Variants in KCNMA1 observed in about 807,000 individuals in gnomAD.
KCNMA1 encodes potassium calcium-activated channel subfamily M alpha 1.
KCNMA1 carries 29 observed loss-of-function variants against 140.0 expected under a neutral mutation model. The observed-to-expected ratio is 0.21, with a 90% CI of 0.15 to 0.28. The LOEUF (loss-of-function observed/expected upper bound fraction) is 0.28. Ranked by LOEUF, KCNMA1 falls within the 10% of genes least tolerant of loss-of-function variation. The pLI is 1.00. For missense variants in KCNMA1, 880 were observed against 1,602.2 expected, an observed-to-expected ratio of 0.55 and a Z score of 7.70; for synonymous variants, 612 against 611.9, an observed-to-expected ratio of 1.00 and a Z score of 0.00.
intron 23 of KCNMA1, among the ~76,000 whole-genome samples, chr10:76,943,670 G>A (rs1396814583): frequency 1.3e-5 from 2 of 152,160 alleles, no homozygotes; most frequent in Admixed American, 1.3e-4. Context: ...CTCTAGCCCA[G>A]AGCCATGCAG....
intron 3 of KCNMA1, among the ~76,000 whole-genome samples, chr10:77,227,192 T>A (rs1052772171): frequency 6.6e-6 from 1 of 151,986 alleles, no homozygotes; most frequent in Non-Finnish European, 1.5e-5. Context: ...AGAGGGAAAA[T>A]TTTTCCCCAT....
chr10:77,613,562 A>G (rs1401580788), intron 1 of KCNMA1, among the ~76,000 whole-genome samples: 1 of 151,962 alleles, frequency 6.6e-6, no homozygotes, highest in African/African-American at 2.4e-5. Context: ...CACATACAAC[A>G]CTGGTGTACA....
chr10:76,912,289 C>G (rs2050658106), intron 24 of KCNMA1: 1 of 152,154 alleles, frequency 6.6e-6, no homozygotes, highest in Admixed American at 6.5e-5. Flanking sequence ...TCTGAGGAGC[C>G]TTTGCCATGC....
chr10:76,932,846 A>G (rs2152717349), intron 23 of KCNMA1, among the ~76,000 whole-genome samples: 1 of 152,290 alleles, frequency 6.6e-6, no homozygotes. Context: ...CTACATGGCC[A>G]GGGAAGCTCT....
At chr10:77,427,712 CATCCATTCATTT>C (rs150267549) in intron 1 of KCNMA1, among the ~76,000 whole-genome samples, 5,307 of 73,266 alleles carry the variant, frequency 0.072, 128 homozygotes, top group Middle Eastern at 0.14. Context: ...CCTGAGCATC[CATCCATTCATTT>C]ATTTATTTAT....
intron 5 of KCNMA1, among the ~76,000 whole-genome samples, chr10:77,152,635 G>T (rs2098437199): frequency 6.6e-6 from 1 of 152,134 alleles, no homozygotes; most frequent in South Asian, 2.1e-4. Flanking sequence ...CCTCCTGTTG[G>T]TCACTGGTTG....
rs113292182 is a variant in KCNMA1, at chr10:77,516,348, T to C, written c.379-112325A>G. ...TCTCTCCATGCACCCTCCATAGCAC[T>C]ATTTTTTCCCATTCCCTGTTTCATT... On this transcript the variant is annotated intron_variant, in intron 1 of 27. Transcript: ENST00000286628. 5.2e-3 allele frequency among the ~76,000 whole-genome samples: 792 copies of C among 152,294 alleles called. 7 individuals carry two copies. The highest frequency in any genetic ancestry group is 0.017 in the African/African-American group (702 of 41,568).
intron 1 of KCNMA1, among the ~76,000 whole-genome samples, chr10:77,452,193 C>T (rs1184144862): frequency 3.3e-5 from 5 of 152,196 alleles, no homozygotes. Flanking sequence ...CCATGACCCC[C>T]AGGGCAATCC....
At chr10:76,937,913 A>ATGTG (rs1013080316) in intron 23 of KCNMA1, among the ~76,000 whole-genome samples, 1 of 147,700 alleles carries the variant, frequency 6.8e-6, no homozygotes, top group African/African-American at 2.5e-5. Flanking sequence ...GTGTGTGCGT[A>ATGTG]TGTGTGTGTG....
chr10:77,613,779 C>A (rs934065797), intron 1 of KCNMA1, among the ~76,000 whole-genome samples: 5 of 152,166 alleles, frequency 3.3e-5, no homozygotes, highest in Non-Finnish European at 7.3e-5. Context: ...TGGTGGCTGG[C>A]CTGACAGAGG....
chr10:77,231,596 C>T (rs1246043820), intron 3 of KCNMA1, among the ~76,000 whole-genome samples: 1 of 152,152 alleles, frequency 6.6e-6, no homozygotes, highest in African/African-American at 2.4e-5. Flanking sequence ...TTATGGTCAA[C>T]AACCTAAGAG....
chr10:77,093,768 G>A (rs2096867672), intron 9 of KCNMA1, among the ~76,000 whole-genome samples: 1 of 152,216 alleles, frequency 6.6e-6, no homozygotes, highest in Non-Finnish European at 1.5e-5. Flanking sequence ...ATAGACAGCA[G>A]GGTGTGACCT....
chr10:76,899,943 C>T (rs1429489575), intron 25 of KCNMA1, among the ~76,000 whole-genome samples: 1 of 152,042 alleles, frequency 6.6e-6, no homozygotes, highest in African/African-American at 2.4e-5. Context: ...GTTAAAAATG[C>T]ATACCTGCAA....
intron 23 of KCNMA1, among the ~76,000 whole-genome samples, chr10:76,942,218 C>T (rs1340080482): frequency 6.6e-6 from 1 of 152,096 alleles, no homozygotes; most frequent in Non-Finnish European, 1.5e-5. Flanking sequence ...GGTGATCCAC[C>T]CGCCTTAGCC....
At chr10:77,163,626 A>G (rs2098597700) in intron 5 of KCNMA1, among the ~76,000 whole-genome samples, 1 of 152,230 alleles carries the variant, frequency 6.6e-6, no homozygotes, top group South Asian at 2.1e-4. Flanking sequence ...AAAGAGGCTC[A>G]TCAAGTAACC....
intron 1 of KCNMA1, among the ~76,000 whole-genome samples, chr10:77,440,101 C>T (rs1322121643): frequency 2.6e-5 from 4 of 152,154 alleles, no homozygotes; most frequent in Non-Finnish European, 5.9e-5. Context: ...AAGAAACCTT[C>T]CTATCCTCTC....
At chr10:77,392,022 A>C (rs152774) in intron 2 of KCNMA1, among the ~76,000 whole-genome samples, 1 of 150,040 alleles carries the variant, frequency 6.7e-6, no homozygotes, top group Non-Finnish European at 1.5e-5. Context: ...CTCCCAGCCC[A>C]ACTCAGTAGC....
At chr10:77,267,178 G>C (rs2063679385) in intron 2 of KCNMA1, among the ~76,000 whole-genome samples, 1 of 152,138 alleles carries the variant, frequency 6.6e-6, no homozygotes, top group Non-Finnish European at 1.5e-5. Flanking sequence ...TTCCCCCATG[G>C]ATGCTTGTTG....
chr10:77,474,194 G>A (rs538836305), intron 1 of KCNMA1, among the ~76,000 whole-genome samples: 70 of 152,286 alleles, frequency 4.6e-4, no homozygotes, highest in Non-Finnish European at 6.3e-4. Context: ...AATCACACAC[G>A]GCATGATGTG....
Sources: gnomAD v4.1 joint callset for allele counts (sites outside exome capture counted in the v4.1 genomes callset) on GRCh38, gnomAD v4.1.1 for gene constraint, MANE v1.5 for transcripts, NCBI Gene and HGNC (gene_info 2026-07-23, HGNC 2026-07-21) for gene names.